Variants in PHACTR3 observed in about 807,000 individuals in gnomAD.
The protein encoded by PHACTR3 is protein phosphatase 1, regulatory subunit 123.
A neutral mutation model predicts 66.8 loss-of-function variants in PHACTR3; 16 were observed. That is an observed-to-expected ratio of 0.24 (90% CI 0.16 to 0.36). PHACTR3 has a LOEUF of 0.36. Ranked by LOEUF, PHACTR3 falls within the 10% of genes least tolerant of loss-of-function variation. PHACTR3 has a pLI of 1.00. For synonymous variants in PHACTR3, 323 were observed against 292.1 expected (o/e 1.11, Z -1.08); for missense variants, 647 against 719.9 (o/e 0.90, Z 1.16).
At position 59,827,049 on chromosome 20, in the gene PHACTR3, G is replaced by A. The variant is rs112382853; in HGVS notation, c.1329-9456G>A. 2.1e-3 allele frequency among the ~76,000 whole-genome samples: 324 copies of A among 152,060 alleles called. 3 individuals are homozygous for A. Among genetic ancestry groups the A allele is most frequent in the South Asian group, 6.2e-3 (30 of 4,804 alleles). On this transcript the variant is annotated intron_variant, in intron 8 of 12. Transcript: ENST00000371015. ...TTCTCAGGCACCAGGTGATTCCTCA[G>A]TACCTCTGAGAGTCCCCAGATGGAA...
intron 8 of PHACTR3, among the ~76,000 whole-genome samples, chr20:59,806,473 C>T (rs1180961178): frequency 6.6e-6 from 1 of 152,258 alleles, no homozygotes; most frequent in Non-Finnish European, 1.5e-5. Flanking sequence ...TCAAATGCCT[C>T]CTGGAGGGTG....
At chr20:59,832,238 A>C (rs2042405618) in intron 8 of PHACTR3, among the ~76,000 whole-genome samples, 1 of 151,302 alleles carries the variant, frequency 6.6e-6, no homozygotes. Context: ...TCTCGCCTGT[A>C]ATGTTGGCAA....
intron 5 of PHACTR3, among the ~76,000 whole-genome samples, chr20:59,768,100 C>T (rs1186398312): frequency 2.6e-5 from 4 of 152,198 alleles, no homozygotes; most frequent in Admixed American, 1.3e-4. Context: ...GACAGAGGCC[C>T]CCACAGTCAT....
chr20:59,808,239 C>G (rs2041627182), intron 8 of PHACTR3, among the ~76,000 whole-genome samples: 1 of 152,208 alleles, frequency 6.6e-6, no homozygotes, highest in African/African-American at 2.4e-5. Flanking sequence ...GCTGCGTACC[C>G]CAGTTTGCGC....
intron 3 of PHACTR3, 57 bp from the exon 4 acceptor site, chr20:59,755,125 C>G: frequency 1.9e-6 from 3 of 1,546,468 alleles, no homozygotes; most frequent in Non-Finnish European, 2.6e-6. Flanking sequence ...CTTGGGACGA[C>G]GGAAGGGATG....
intron 1 of PHACTR3, among the ~76,000 whole-genome samples, chr20:59,659,783 G>A (rs1457258667): frequency 6.6e-6 from 1 of 152,206 alleles, no homozygotes; most frequent in African/African-American, 2.4e-5. Flanking sequence ...TGAGCACTGA[G>A]TGGTTTCTTT....
At chr20:59,585,134 G>A (rs537683460) in intron 1 of PHACTR3, among the ~76,000 whole-genome samples, 2 of 152,288 alleles carry the variant, frequency 1.3e-5, no homozygotes, top group Admixed American at 6.5e-5. Flanking sequence ...TGAGCAACCC[G>A]AGAGAAACAG....
rs1281058755 is a variant in PHACTR3 at position 59,837,850 on chromosome 20, C to T, written c.1384+1290C>T. Among the ~76,000 whole-genome samples the T allele has an allele frequency of 2.0e-5, 3 of 152,166 alleles. No homozygotes were observed. The South Asian group carries it at 6.2e-4, about 32-fold the overall frequency. ...AGCAACAGGAAGAGAGTACTACAGC[C>T]CAGACCTTTAACCCAGGAACCATGT... On this transcript the variant is annotated intron_variant, in intron 9 of 12. Transcript: ENST00000371015.
At chr20:59,815,470 G>A (rs2041862550) in intron 8 of PHACTR3, among the ~76,000 whole-genome samples, 1 of 144,766 alleles carries the variant, frequency 6.9e-6, no homozygotes, top group African/African-American at 2.6e-5. Flanking sequence ...CTGTCTCCAG[G>A]CTGGAGTGCA....
At chr20:59,633,904 T>A (rs2034756980) in intron 1 of PHACTR3, among the ~76,000 whole-genome samples, 1 of 152,246 alleles carries the variant, frequency 6.6e-6, no homozygotes, top group Non-Finnish European at 1.5e-5. Flanking sequence ...AAAGACTTTG[T>A]AACAGATTAA....
At chr20:59,771,078 C>T (rs1034037106) in intron 5 of PHACTR3, among the ~76,000 whole-genome samples, 5 of 152,210 alleles carry the variant, frequency 3.3e-5, no homozygotes, top group East Asian at 1.9e-4. Context: ...CTATGGGGGC[C>T]GTGGGGGCAG....
intron 1 of PHACTR3, among the ~76,000 whole-genome samples, chr20:59,632,059 T>C (rs2034684963): frequency 6.6e-6 from 1 of 152,190 alleles, no homozygotes; most frequent in African/African-American, 2.4e-5. Flanking sequence ...GTACGGGACG[T>C]GTGGGGACTG....
intron 4 of PHACTR3, among the ~76,000 whole-genome samples, chr20:59,764,059 A>G (rs866619485): frequency 6.6e-6 from 1 of 152,184 alleles, no homozygotes; most frequent in African/African-American, 2.4e-5. Context: ...TGGGATCCTG[A>G]AAAGAAGGAT....
At chr20:59,761,285 C>A (rs1467381666) in intron 4 of PHACTR3, among the ~76,000 whole-genome samples, 1 of 152,094 alleles carries the variant, frequency 6.6e-6, no homozygotes, top group Non-Finnish European at 1.5e-5. Flanking sequence ...CTGCCTGGGG[C>A]CTATGCTGGT....
chr20:59,632,999 C>T (rs2034721388), intron 1 of PHACTR3, among the ~76,000 whole-genome samples: 1 of 152,130 alleles, frequency 6.6e-6, no homozygotes, highest in Non-Finnish European at 1.5e-5. Context: ...TTCCGTCCCC[C>T]ACCTTGATCC....
intron 7 of PHACTR3, among the ~76,000 whole-genome samples, chr20:59,783,493 A>G (rs150052689): frequency 9.1e-5 from 13 of 143,482 alleles, no homozygotes; most frequent in Non-Finnish European, 1.6e-4. Context: ...CTTGATAAGC[A>G]CTTTTCATGC....
intron 1 of PHACTR3, among the ~76,000 whole-genome samples, chr20:59,582,685 T>C (rs569901057): frequency 1.3e-5 from 2 of 152,348 alleles, no homozygotes; most frequent in South Asian, 2.1e-4. Context: ...GTTTTTCTTA[T>C]GTGACTTGGC....
At chr20:59,773,522 A>T in intron 6 of PHACTR3, 69 bp downstream of exon 6, 1 of 1,460,908 alleles carries the variant, frequency 6.8e-7, no homozygotes, top group Non-Finnish European at 9.1e-7. Flanking sequence ...CAGGCTGTGC[A>T]GCTCATGCCA....
Position 59,604,877 on chromosome 20 carries a change from C to CTTGTTT in PHACTR3, c.-136_-135insGTTTTT. The CTTGTTT allele has an allele frequency of 1.0e-6, 1 of 977,908 alleles. No individual in the cohort carries two copies. The highest frequency in any genetic ancestry group is 1.2e-6 in the Non-Finnish European group (1 of 829,326). The allele number at this position is 977,908 out of a possible 1,614,324, so 60.6% of individuals were successfully genotyped here. ...TCTCCAGCTCGTTTCCTTTCCCGGCCTTTTTTTTTTTTTTTTTTTTTTAAT... is the reference window on the plus strand; with the variant it reads ...TCTCCAGCTCGTTTCCTTTCCCGGCCTTGTTTTTTTTTTTTTTTTTTTTTTTTTAAT... On this transcript the variant is annotated 5_prime_UTR_variant, in exon 1 of 13. Coordinates refer to ENST00000371015, the MANE Select transcript of PHACTR3 (RefSeq NM_080672.5).
Sources: gnomAD v4.1 joint callset for allele counts (sites outside exome capture counted in the v4.1 genomes callset) on GRCh38, gnomAD v4.1.1 for gene constraint, MANE v1.5 for transcripts, NCBI Gene and HGNC (gene_info 2026-07-23, HGNC 2026-07-21) for gene names.